The following MALRD1 variants were observed in gnomAD, a reference collection of about 807,000 sequenced individuals.
MALRD1 encodes the protein MAM and LDL-receptor class A domain-containing protein 1.
Under a neutral mutation model 242.1 loss-of-function variants are expected in MALRD1, and 247 were observed. The observed-to-expected ratio is 1.02, with a 90% CI of 0.92 to 1.13. The LOEUF (loss-of-function observed/expected upper bound fraction) is 1.13, where lower values mean the gene tolerates loss of function less well. Among genes scored for constraint, MALRD1 ranks in the 50% most tolerant of loss-of-function variants. The pLI, the probability that MALRD1 is intolerant of heterozygous loss-of-function variation, is 0.00. For missense variants in MALRD1, 2,989 were observed against 2,533.1 expected, an observed-to-expected ratio of 1.18 and a Z score of -3.86; for synonymous variants, 995 against 866.6, an observed-to-expected ratio of 1.15 and a Z score of -2.60.
intron 32 of MALRD1, among the ~76,000 whole-genome samples, chr10:19,550,662 A>G (rs1009116930): frequency 6.6e-6 from 1 of 152,116 alleles, no homozygotes; most frequent in Non-Finnish European, 1.5e-5. Flanking sequence ...ATGTCCCTGC[A>G]CGGGATGTGA....
Position 19,588,120 on chromosome 10 carries a change from T to G in MALRD1, c.5681-7074T>G, listed in dbSNP as rs1170437321. On this transcript the variant is annotated intron_variant, in intron 33 of 39. Transcript: ENST00000454679. ...ATGAATGACAGAGTTCTTTACTTAATTATAAGTTTATATTCAAATATATTC... is the reference window on the plus strand; with the variant it reads ...ATGAATGACAGAGTTCTTTACTTAAGTATAAGTTTATATTCAAATATATTC... Among the ~76,000 whole-genome samples, 4 of 152,088 alleles carry G rather than the reference T, an allele frequency of 2.6e-5. No homozygotes were observed. In the East Asian group the frequency reaches 7.7e-4, roughly 29 times the overall value.
At chr10:19,227,477 A>G (rs1311151715) in intron 18 of MALRD1, among the ~76,000 whole-genome samples, 1 of 152,114 alleles carries the variant, frequency 6.6e-6, no homozygotes, top group Non-Finnish European at 1.5e-5. Context: ...TTAACTCAAC[A>G]TGTATTTTAT....
At chr10:19,656,877 C>G (rs1367358769) in intron 36 of MALRD1, among the ~76,000 whole-genome samples, 8 of 152,172 alleles carry the variant, frequency 5.3e-5, no homozygotes, top group Non-Finnish European at 8.8e-5. Context: ...CCTTTATTCA[C>G]TCTGCTTACA....
intron 21 of MALRD1, among the ~76,000 whole-genome samples, chr10:19,322,008 G>A (rs1381932890): frequency 1.3e-5 from 2 of 152,130 alleles, no homozygotes; most frequent in African/African-American, 4.8e-5. Context: ...TAAAATTGGA[G>A]AGGCATGGAC....
At chr10:19,067,995 T>C (rs1835031413) in intron 2 of MALRD1, among the ~76,000 whole-genome samples, 1 of 152,154 alleles carries the variant, frequency 6.6e-6, no homozygotes, top group Admixed American at 6.6e-5. Context: ...TTCACAAATA[T>C]AACAAGCACT....
intron 31 of MALRD1, among the ~76,000 whole-genome samples, chr10:19,522,004 C>T (rs1833903383): frequency 6.6e-6 from 1 of 152,060 alleles, no homozygotes; most frequent in South Asian, 2.1e-4. Context: ...TCCATACTCA[C>T]TTCTGGGCTA....
At chr10:19,147,539 T>A (rs1833765600) in intron 11 of MALRD1, among the ~76,000 whole-genome samples, 1 of 152,224 alleles carries the variant, frequency 6.6e-6, no homozygotes, top group African/African-American at 2.4e-5. Context: ...AACAACACAT[T>A]TTCTCTAAAC....
intron 26 of MALRD1, among the ~76,000 whole-genome samples, chr10:19,377,833 A>G (rs1006487602): frequency 2.6e-5 from 4 of 152,254 alleles, no homozygotes; most frequent in East Asian, 1.9e-4. Flanking sequence ...CCTAAACTTT[A>G]TAAATAATGA....
At chr10:19,146,558 T>G (rs1397372993) in intron 11 of MALRD1, among the ~76,000 whole-genome samples, 1 of 152,186 alleles carries the variant, frequency 6.6e-6, no homozygotes, top group Non-Finnish European at 1.5e-5. Context: ...GTTGTTGCAC[T>G]TTTTATGAGT....
At chr10:19,189,204 CTT>C (rs1264621817) in intron 14 of MALRD1, among the ~76,000 whole-genome samples, 1 of 151,946 alleles carries the variant, frequency 6.6e-6, no homozygotes, top group African/African-American at 2.4e-5. Context: ...AATTGGATAA[CTT>C]AAGTATAATA....
intron 32 of MALRD1, among the ~76,000 whole-genome samples, chr10:19,538,885 A>T (rs1834804178): frequency 6.6e-6 from 1 of 152,224 alleles, no homozygotes; most frequent in South Asian, 2.1e-4. Context: ...TTTCAGAACA[A>T]GTAGCCTATG....
At chr10:19,587,873 G>A (rs79838669) in intron 33 of MALRD1, among the ~76,000 whole-genome samples, 6 of 150,102 alleles carry the variant, frequency 4.0e-5, no homozygotes, top group Non-Finnish European at 7.4e-5. Flanking sequence ...GAATGTCAAA[G>A]TTCCGAAATG....
intron 26 of MALRD1, among the ~76,000 whole-genome samples, chr10:19,361,570 G>C (rs368173598): frequency 6.6e-6 from 1 of 152,056 alleles, no homozygotes; most frequent in African/African-American, 2.4e-5. Flanking sequence ...TATGTGCTAC[G>C]TAACTAGGAT....
intron 38 of MALRD1, among the ~76,000 whole-genome samples, chr10:19,719,003 T>A (rs1001000143): frequency 3.6e-4 from 52 of 146,422 alleles, no homozygotes; most frequent in African/African-American, 8.3e-4. Context: ...CAGAACAATT[T>A]AAAAAAAAAA....
intron 36 of MALRD1, among the ~76,000 whole-genome samples, chr10:19,677,382 G>A (rs1179108655): frequency 6.6e-6 from 1 of 152,120 alleles, no homozygotes; most frequent in Non-Finnish European, 1.5e-5. Flanking sequence ...GTATCTCATT[G>A]TGGTTTTGAT....
At chr10:19,730,459 C>T (rs950907022) in intron 38 of MALRD1, 3 of 522,044 alleles carry the variant, frequency 5.7e-6, no homozygotes, top group Non-Finnish European at 1.0e-5. Context: ...CTTTTATTTG[C>T]CTGAGTTTAT....
Position 19,633,452 on chromosome 10 carries a change from A to T in MALRD1, c.6137+17529A>T, listed in dbSNP as rs117386671. Among the ~76,000 whole-genome samples, 399 of 152,278 alleles carry T rather than the reference A, an allele frequency of 2.6e-3. 8 individuals carry two copies. The East Asian group carries it at 0.059, about 23-fold the overall frequency. On this transcript the variant is annotated intron_variant, in intron 36 of 39. Transcript: ENST00000454679. ...CATTTGCTGTGGCTGTTGGCCCATCATGTCAAAGCAGAGTGAGAGTAGCTG... is the reference window on the plus strand; with the variant it reads ...CATTTGCTGTGGCTGTTGGCCCATCTTGTCAAAGCAGAGTGAGAGTAGCTG...
chr10:19,310,069 A>G (rs190738405), intron 21 of MALRD1, among the ~76,000 whole-genome samples: 55 of 151,532 alleles, frequency 3.6e-4, no homozygotes, highest in African/African-American at 1.3e-3. Flanking sequence ...TCACTTTCCA[A>G]TCTCTTGTCA....
At chr10:19,359,518 G>T (rs12255034) in intron 26 of MALRD1, among the ~76,000 whole-genome samples, 1 of 152,044 alleles carries the variant, frequency 6.6e-6, no homozygotes, top group African/African-American at 2.4e-5. Flanking sequence ...CACAGCATTA[G>T]ATGCACTGTG....
Sources: allele counts gnomAD v4.1 joint callset (sites outside exome capture counted in the v4.1 genomes callset), GRCh38; gene constraint gnomAD v4.1.1; transcripts MANE v1.5; gene names NCBI Gene and HGNC (gene_info 2026-07-23, HGNC 2026-07-21).